The following DNAJC25 variants were observed in gnomAD, a reference collection of about 807,000 sequenced individuals.
DNAJC25 encodes DnaJ heat shock protein family (Hsp40) member C25.
A neutral mutation model predicts 42.1 loss-of-function variants in DNAJC25; 26 were observed. The observed-to-expected ratio is 0.62, with a 90% CI of 0.45 to 0.86. DNAJC25 has a LOEUF of 0.86. Ranked by LOEUF, DNAJC25 falls within the 40% of genes least tolerant of loss-of-function variation. DNAJC25 has a pLI of 0.00. For synonymous variants in DNAJC25, 189 were observed against 179.9 expected (o/e 1.05, Z -0.40); for missense variants, 404 against 459.4 (o/e 0.88, Z 1.10).
intron 1 of DNAJC25, among the ~76,000 whole-genome samples, chr9:111,640,750 T>C (rs1291917258): frequency 4.1e-5 from 4 of 96,676 alleles, no homozygotes; most frequent in Non-Finnish European, 5.8e-5. Context: ...GTCTGAGAAG[T>C]GAGGAGCCTC....
chr9:111,641,682 G>T (rs1830471524), intron 1 of DNAJC25, among the ~76,000 whole-genome samples: 6 of 136,134 alleles, frequency 4.4e-5, no homozygotes, highest in Admixed American at 7.1e-5. Flanking sequence ...GGTGGGGGGG[G>T]GGTCAGCCCC....
intron 1 of DNAJC25, among the ~76,000 whole-genome samples, chr9:111,644,314 T>C (rs1830532089): frequency 6.6e-6 from 1 of 152,140 alleles, no homozygotes; most frequent in African/African-American, 2.4e-5. Flanking sequence ...AGACACAAGG[T>C]ATAAATTTTG....
chr9:111,643,509 T>C (rs1830518258), intron 1 of DNAJC25, among the ~76,000 whole-genome samples: 1 of 152,072 alleles, frequency 6.6e-6, no homozygotes, highest in African/African-American at 2.4e-5. Context: ...ACTCATGAGG[T>C]TCAAATTAGA....
rs1232198508 is a variant in DNAJC25 at position 111,631,588 on chromosome 9, G to T, written c.181G>T (p.Gly61Cys). The T allele has an allele frequency of 3.4e-6, 5 of 1,468,796 alleles. No individual in the cohort carries two copies. The highest frequency in any genetic ancestry group is 4.5e-6 in the Non-Finnish European group (5 of 1,118,502). The allele number at this position is 1,468,796 out of a possible 1,614,324, so 91.0% of individuals were successfully genotyped here. Residue 61 changes from glycine to cysteine, a missense_variant, in exon 1 of 4, where the codon GGC becomes TGC. Physicochemically the swap from Gly to Cys is radical, Grantham distance 159. Coordinates refer to ENST00000313525, the MANE Select transcript of DNAJC25 (RefSeq NM_001015882.3). The part of the protein sequence containing the change: ...YEVLGVSRSA[G>C]KAEIARAYRQ... ...GGTGCTGGGCGTGAGCCGCTCGGCG[G>T]GCAAGGCGGAGATCGCGCGGGCCTA...
chr9:111,642,826 A>G (rs1409402938), intron 1 of DNAJC25: 1 of 470,446 alleles, frequency 2.1e-6, no homozygotes, highest in South Asian at 1.6e-5. Context: ...CCTCTTGTTC[A>G]CTTTTGATCT....
At chr9:111,634,670 G>A (rs1193473409) in intron 1 of DNAJC25, among the ~76,000 whole-genome samples, 1 of 151,744 alleles carries the variant, frequency 6.6e-6, no homozygotes, top group Non-Finnish European at 1.5e-5. Context: ...AAACATCAGT[G>A]GATTTATGAT....
intron 1 of DNAJC25, among the ~76,000 whole-genome samples, chr9:111,636,556 G>A (rs1589340768): frequency 1.3e-5 from 2 of 152,246 alleles, no homozygotes; most frequent in Middle Eastern, 6.8e-3. Context: ...CTATGCTCAA[G>A]CAGTCCTCCT....
At chr9:111,648,482 C>T (rs955744396) in intron 2 of DNAJC25, among the ~76,000 whole-genome samples, 16 of 151,556 alleles carry the variant, frequency 1.1e-4, no homozygotes, top group Non-Finnish European at 2.2e-4. Flanking sequence ...GTTGCCCAGG[C>T]TGGTCTCGAG....
chr9:111,638,005 A>C (rs1327484973), intron 1 of DNAJC25, among the ~76,000 whole-genome samples: 1 of 152,138 alleles, frequency 6.6e-6, no homozygotes, highest in East Asian at 1.9e-4. Context: ...GACCTAAGCC[A>C]CTGCTTTTAA....
chr9:111,631,419 G>A lies in DNAJC25; in HGVS notation c.12G>A (p.Pro4=), dbSNP rs1830271706. The part of the protein sequence containing the change: MGA[P]LLSPGWGAGA... ...CAGCGAGGCTGGGGATGGGGGCGCC[G>A]CTGCTCTCTCCCGGCTGGGGAGCCG... is the stretch of plus-strand genomic sequence containing the variant. Residue 4 remains proline, a synonymous_variant, in exon 1 of 4, where the codon CCG becomes CCA. Transcript: ENST00000313525. 3.9e-6 allele frequency: 5 copies of A among 1,289,718 alleles called. No individual in the cohort carries two copies. Among genetic ancestry groups the A allele is most frequent in the East Asian group, 6.3e-5 (2 of 31,840 alleles). 79.9% of individuals were successfully genotyped at this position (1,289,718 alleles called of 1,614,324 possible). A position where few individuals can be genotyped will look rare whatever the true frequency, so the allele number is the denominator to read the frequency against.
intron 3 of DNAJC25, 151 bp from the exon 4 acceptor site, chr9:111,652,949 A>G (rs1287870134): frequency 1.7e-6 from 1 of 604,856 alleles, no homozygotes; most frequent in African/African-American, 1.9e-5. Flanking sequence ...TAAAATGCTT[A>G]ATTGTTTAGT....
Position 111,631,402 on chromosome 9 carries a change from C to G in DNAJC25, c.-6C>G. 3 of 1,275,926 alleles carry G rather than the reference C, an allele frequency of 2.4e-6. No individual in the cohort carries two copies. The Admixed American group carries it at 1.3e-4, about 54-fold the overall frequency. The allele number at this position is 1,275,926 out of a possible 1,614,324, so 79.0% of individuals were successfully genotyped here. Reference sequence around the variant, plus strand: ...TGGGGTGGCAGAGCCGCCAGCGAGGCTGGGGATGGGGGCGCCGCTGCTCTC... The same window carrying G: ...TGGGGTGGCAGAGCCGCCAGCGAGGGTGGGGATGGGGGCGCCGCTGCTCTC... On this transcript the variant is annotated 5_prime_UTR_variant, in exon 1 of 4. Transcript: ENST00000313525.
At chr9:111,645,475 G>A (rs989748383) in intron 1 of DNAJC25, among the ~76,000 whole-genome samples, 8 of 152,054 alleles carry the variant, frequency 5.3e-5, no homozygotes, top group South Asian at 2.1e-4. Context: ...GGCTGGTCTC[G>A]AACTCCTGAC....
rs1830629856 is a variant in DNAJC25 at position 111,649,908 on chromosome 9, C to T, written c.945C>T (p.Ile315=). ...KETFLKRELW[I]KENYEVYKQE... ...CTTTTCTTAAACGAGAGCTCTGGAT[C>T]AAGGAGAATTATGAGGTGAGTAGTC... The change falls in exon 3 of 4, where the codon ATC becomes ATT. Residue 315 remains isoleucine (I), a synonymous_variant. Coordinates refer to ENST00000313525, the MANE Select transcript of DNAJC25 (RefSeq NM_001015882.3). 1 of 1,578,122 alleles carries T rather than the reference C, an allele frequency of 6.3e-7. No individual in the cohort carries two copies. The highest frequency in any genetic ancestry group is 2.2e-5 in the East Asian group (1 of 44,688).
In DNAJC25 at chr9:111,631,450, G is replaced by T; in HGVS notation, c.43G>T (p.Ala15Ser). 1 of 1,301,222 alleles carries T rather than the reference G, an allele frequency of 7.7e-7. No individual in the cohort carries two copies. The highest frequency in any genetic ancestry group is 9.7e-7 in the Non-Finnish European group (1 of 1,030,180). The allele number at this position is 1,301,222 out of a possible 1,614,324, so 80.6% of individuals were successfully genotyped here. A position where few individuals can be genotyped will look rare whatever the true frequency, so the allele number is the denominator to read the frequency against. The part of the protein sequence containing the change: ...LLSPGWGAGA[A>S]GRRWWMLLAP... ...CTCTCCCGGCTGGGGAGCCGGGGCT[G>T]CCGGCCGGCGCTGGTGGATGCTGCT... The change falls in exon 1 of 4, where the codon GCC (alanine) becomes TCC (serine). Residue 15 changes from alanine to serine, a missense_variant. Ala to Ser is a moderately conservative substitution (Grantham distance 99, BLOSUM62 1). Transcript: ENST00000313525.
chr9:111,637,943 C>A (rs1190770370), intron 1 of DNAJC25, among the ~76,000 whole-genome samples: 1 of 152,160 alleles, frequency 6.6e-6, no homozygotes, highest in African/African-American at 2.4e-5. Context: ...TTTGTGTACT[C>A]TTTTCTTTTT....
intron 3 of DNAJC25, among the ~76,000 whole-genome samples, chr9:111,652,839 G>A (rs1830683898): frequency 1.3e-5 from 2 of 151,956 alleles, no homozygotes; most frequent in African/African-American, 2.4e-5. Flanking sequence ...GAGCCACCAC[G>A]CCCGGCCACA....
At chr9:111,652,717 A>G (rs1460822718) in intron 3 of DNAJC25, among the ~76,000 whole-genome samples, 1 of 149,550 alleles carries the variant, frequency 6.7e-6, no homozygotes, top group African/African-American at 2.5e-5. Flanking sequence ...AATTTTTTCT[A>G]TTTTTTTTAG....
intron 1 of DNAJC25, among the ~76,000 whole-genome samples, chr9:111,641,224 G>T (rs1271924745): frequency 1.0e-5 from 1 of 98,586 alleles, no homozygotes; most frequent in South Asian, 3.0e-4. Flanking sequence ...CGGGAGGGAG[G>T]TGGGGGGGTC....
Sources: gnomAD v4.1 joint callset for allele counts (sites outside exome capture counted in the v4.1 genomes callset) on GRCh38, gnomAD v4.1.1 for gene constraint, MANE v1.5 for transcripts, NCBI Gene and HGNC (gene_info 2026-07-23, HGNC 2026-07-21) for gene names.